CPA6: variants seen among roughly 807,000 people sequenced by gnomAD.
CPA6 encodes carboxypeptidase A6.
Under a neutral mutation model 63.3 loss-of-function variants are expected in CPA6, and 58 were observed. That is an observed-to-expected ratio of 0.92 (90% CI 0.74 to 1.14). The LOEUF is 1.14. Among genes scored for constraint, CPA6 ranks in the 50% most tolerant of loss-of-function variants. The probability of loss-of-function intolerance (pLI) is 0.00; values close to 1 mark genes in which losing one functional copy is unlikely to be tolerated. For missense variants in CPA6, 565 were observed against 526.6 expected (o/e 1.07, Z -0.71); for synonymous variants, 185 against 179.0 (o/e 1.03, Z -0.27).
intron 2 of CPA6, among the ~76,000 whole-genome samples, chr8:67,585,256 T>A (rs1162286874): frequency 6.6e-6 from 1 of 152,206 alleles, no homozygotes; most frequent in African/African-American, 2.4e-5. Context: ...GTTGCAGGGA[T>A]GAGGCTAATG....
chr8:67,443,252 G>T (rs1171195099), intron 8 of CPA6, among the ~76,000 whole-genome samples: 3 of 151,872 alleles, frequency 2.0e-5, no homozygotes, highest in Non-Finnish European at 2.9e-5. Flanking sequence ...TAGAGACGGG[G>T]TTTCACCATG....
chr8:67,435,735 A>G (rs1263938133), intron 8 of CPA6, among the ~76,000 whole-genome samples: 1 of 152,054 alleles, frequency 6.6e-6, no homozygotes, highest in Non-Finnish European at 1.5e-5. Flanking sequence ...AAGCAGTGCC[A>G]GAGAGGGGAC....
chr8:67,648,027 A>G (rs1461597928), intron 1 of CPA6, among the ~76,000 whole-genome samples: 1 of 152,172 alleles, frequency 6.6e-6, no homozygotes, highest in Admixed American at 6.5e-5. Context: ...TTTTTGTCCT[A>G]TTAATCTGCC....
intron 6 of CPA6, among the ~76,000 whole-genome samples, chr8:67,486,986 C>G (rs1163752037): frequency 1.3e-5 from 2 of 152,008 alleles, no homozygotes; most frequent in Non-Finnish European, 1.5e-5. Flanking sequence ...CTGCCTCAGC[C>G]TCCCAAGTAG....
At chr8:67,534,047 C>G (rs1384839353) in intron 2 of CPA6, among the ~76,000 whole-genome samples, 1 of 152,166 alleles carries the variant, frequency 6.6e-6, no homozygotes, top group Non-Finnish European at 1.5e-5. Context: ...GCTACAGGGA[C>G]CAGAAGAGAA....
intron 2 of CPA6, among the ~76,000 whole-genome samples, chr8:67,622,380 C>T (rs764316344): frequency 3.3e-5 from 5 of 152,168 alleles, no homozygotes; most frequent in African/African-American, 9.7e-5. Context: ...AAGAGGTTAA[C>T]GATAGCCTCC....
chr8:67,512,128 CAG>C (rs1563981737), intron 3 of CPA6, among the ~76,000 whole-genome samples: 4 of 152,192 alleles, frequency 2.6e-5, no homozygotes, highest in Non-Finnish European at 4.4e-5. Flanking sequence ...CTCTACTGGT[CAG>C]TGCCAAGCCA....
At chr8:67,481,923 C>G (rs1321643280) in intron 8 of CPA6, among the ~76,000 whole-genome samples, 2 of 152,208 alleles carry the variant, frequency 1.3e-5, no homozygotes, top group East Asian at 1.9e-4. Flanking sequence ...GCCTGCACTT[C>G]CCCATCACTT....
chr8:67,552,539 C>CA (rs1009656359), intron 2 of CPA6, among the ~76,000 whole-genome samples: 5 of 151,772 alleles, frequency 3.3e-5, no homozygotes, highest in Non-Finnish European at 7.4e-5. Context: ...TTTGGGAGGC[C>CA]AAGGCGGGCG....
chr8:67,616,651 T>C (rs564751888), intron 2 of CPA6, among the ~76,000 whole-genome samples: 2 of 152,190 alleles, frequency 1.3e-5, no homozygotes, highest in East Asian at 3.9e-4. Flanking sequence ...CATGAGAGTC[T>C]GTTTTTCCAC....
Position 67,523,394 on chromosome 8 carries a change from T to C in CPA6, c.193-5347A>G, listed in dbSNP as rs1264334699. On this transcript the variant is annotated intron_variant, in intron 2 of 10. Transcript: ENST00000297770. ...ATATAAAAAAATTAGCCAGGCGTGGTGGTGGTCACCTGTAGTCCCAGCTAC... is the reference window on the plus strand; with the variant it reads ...ATATAAAAAAATTAGCCAGGCGTGGCGGTGGTCACCTGTAGTCCCAGCTAC... 2.0e-5 allele frequency among the ~76,000 whole-genome samples: 3 copies of C among 152,008 alleles called. No individual in the cohort carries two copies. The East Asian group carries it at 5.8e-4, about 29-fold the overall frequency.
intron 2 of CPA6, among the ~76,000 whole-genome samples, chr8:67,554,209 G>A (rs552284940): frequency 1.3e-5 from 2 of 152,204 alleles, no homozygotes; most frequent in African/African-American, 4.8e-5. Context: ...GATTTAATTG[G>A]CTCACGATTC....
intron 2 of CPA6, among the ~76,000 whole-genome samples, chr8:67,593,456 T>C (rs1461343243): frequency 3.3e-5 from 5 of 152,228 alleles, no homozygotes; most frequent in South Asian, 4.2e-4. Context: ...CTTTCTGTCT[T>C]GTTGATCTGT....
intron 1 of CPA6, among the ~76,000 whole-genome samples, chr8:67,652,470 G>T (rs1232780508): frequency 1.3e-5 from 2 of 151,886 alleles, no homozygotes; most frequent in Admixed American, 1.3e-4. Flanking sequence ...TTGTGGTTTT[G>T]ATTTGCATTT....
intron 1 of CPA6, among the ~76,000 whole-genome samples, 159 bp from the exon 2 acceptor site, chr8:67,624,410 T>G (rs1459564156): frequency 6.6e-6 from 1 of 152,262 alleles, no homozygotes; most frequent in East Asian, 1.9e-4. Flanking sequence ...ATTCTCTGAT[T>G]GCATTGTTCT....
chr8:67,479,240 G>A (rs1288249043), intron 8 of CPA6, among the ~76,000 whole-genome samples: 1 of 152,152 alleles, frequency 6.6e-6, no homozygotes, highest in African/African-American at 2.4e-5. Context: ...TGCAGGTAGA[G>A]ACTGAGGTTT....
At chr8:67,745,094 AT>A (rs1817983615) in intron 1 of CPA6, among the ~76,000 whole-genome samples, 1 of 152,246 alleles carries the variant, frequency 6.6e-6, no homozygotes, top group South Asian at 2.1e-4. Flanking sequence ...CTACCTTGTC[AT>A]GATCCAGATC....
Position 67,634,469 on chromosome 8 carries a change from C to T in CPA6, c.117-10218G>A, listed in dbSNP as rs1203163477. Among the ~76,000 whole-genome samples the T allele has an allele frequency of 2.0e-5, 3 of 151,390 alleles. No individual in the cohort carries two copies. The East Asian group carries it at 5.8e-4, about 29-fold the overall frequency. On this transcript the variant is annotated intron_variant, in intron 1 of 10. Transcript: ENST00000297770. ...TCCTGACCTTGTGATCAGCCCGCCT[C>T]ATCCTCCCAAAGTGCTGGGATTACA...
chr8:67,472,085 T>C (rs1442620929), intron 8 of CPA6, among the ~76,000 whole-genome samples: 4 of 152,126 alleles, frequency 2.6e-5, no homozygotes, highest in Non-Finnish European at 4.4e-5. Context: ...GCCAGTATAG[T>C]GGAAAAGGTA....
Sources: allele counts gnomAD v4.1 joint callset (sites outside exome capture counted in the v4.1 genomes callset), GRCh38; gene constraint gnomAD v4.1.1; transcripts MANE v1.5; gene names NCBI Gene and HGNC (gene_info 2026-07-23, HGNC 2026-07-21).